FGGY: variants seen among roughly 807,000 people sequenced by gnomAD.
FGGY encodes FGGY carbohydrate kinase domain-containing protein.
A neutral mutation model predicts 71.3 loss-of-function variants in FGGY; 72 were observed. That is an observed-to-expected ratio of 1.01 (90% CI 0.84 to 1.23). FGGY has a LOEUF of 1.23. Ranked by LOEUF, FGGY falls within the 50% of genes most tolerant of loss-of-function variation. FGGY has a pLI of 0.00. For synonymous variants in FGGY, 251 were observed against 250.3 expected, an observed-to-expected ratio of 1.00 and a Z score of -0.02; for missense variants, 668 against 682.3, an observed-to-expected ratio of 0.98 and a Z score of 0.23.
intron 1 of FGGY, among the ~76,000 whole-genome samples, chr1:59,312,777 G>C (rs1256711947): frequency 6.6e-6 from 1 of 152,164 alleles, no homozygotes; most frequent in East Asian, 1.9e-4. Flanking sequence ...CTCTTGGAAG[G>C]TTATGGTTTT....
intron 5 of FGGY, among the ~76,000 whole-genome samples, chr1:59,415,142 C>T (rs913194522): frequency 2.0e-5 from 3 of 152,108 alleles, no homozygotes; most frequent in East Asian, 3.9e-4. Flanking sequence ...ATTTCTTTGC[C>T]GTCTGGTGGG....
At chr1:59,435,480 C>T (rs555535498) in intron 5 of FGGY, among the ~76,000 whole-genome samples, 1 of 152,242 alleles carries the variant, frequency 6.6e-6, no homozygotes, top group African/African-American at 2.4e-5. Context: ...GCCTTCTGGA[C>T]GCTGCCTCTC....
chr1:59,369,819 T>A (rs562405853), intron 4 of FGGY, among the ~76,000 whole-genome samples: 1 of 152,308 alleles, frequency 6.6e-6, no homozygotes, highest in South Asian at 2.1e-4. Context: ...GGAGTGGACG[T>A]CTAGCAAACT....
rs565444769 is a variant in FGGY at position 59,699,734 on chromosome 1, A to G, written c.1512+25601A>G. 2.0e-5 allele frequency among the ~76,000 whole-genome samples: 3 copies of G among 152,364 alleles called. No homozygotes were observed. In the South Asian group the frequency reaches 6.2e-4, roughly 32 times the overall value. On this transcript the variant is annotated intron_variant, in intron 14 of 15. Coordinates refer to ENST00000303721, the MANE Select transcript of FGGY (RefSeq NM_018291.5). ...ATAAAACAACATCATATTTATTAAC[A>G]TGTTTAATTCTCGTTCTTATTTGCA...
At chr1:59,660,976 A>G (rs534508929) in intron 12 of FGGY, among the ~76,000 whole-genome samples, 2 of 152,168 alleles carry the variant, frequency 1.3e-5, no homozygotes, top group South Asian at 4.2e-4. Flanking sequence ...ATTTTAGGAG[A>G]GTAGATCATG....
chr1:59,650,281 G>A (rs2153930645), intron 11 of FGGY, among the ~76,000 whole-genome samples: 1 of 143,556 alleles, frequency 7.0e-6, no homozygotes, highest in Non-Finnish European at 1.5e-5. Flanking sequence ...GCGTTAGGGA[G>A]GATTCCGTCT....
At chr1:59,373,246 AGC>A (rs2058030838) in intron 4 of FGGY, among the ~76,000 whole-genome samples, 1 of 152,172 alleles carries the variant, frequency 6.6e-6, no homozygotes, top group African/African-American at 2.4e-5. Flanking sequence ...AAAAATCACA[AGC>A]ATTCTTATAC....
At chr1:59,598,538 A>G (rs2096545233) in intron 8 of FGGY, among the ~76,000 whole-genome samples, 1 of 152,158 alleles carries the variant, frequency 6.6e-6, no homozygotes, top group African/African-American at 2.4e-5. Context: ...ACTGTTTGGT[A>G]GGGTGACAGA....
intron 6 of FGGY, among the ~76,000 whole-genome samples, chr1:59,505,198 C>A (rs1275139108): frequency 1.3e-5 from 2 of 152,158 alleles, no homozygotes; most frequent in African/African-American, 4.8e-5. Context: ...GTAATAACTA[C>A]AAGATGGCAT....
chr1:59,375,324 C>T (rs1481712393), intron 4 of FGGY, among the ~76,000 whole-genome samples: 1 of 151,618 alleles, frequency 6.6e-6, no homozygotes, highest in African/African-American at 2.4e-5. Flanking sequence ...CTCACAGATG[C>T]CTGCTGGCAT....
Position 59,378,933 on chromosome 1 carries a change from T to G in FGGY, c.554+96T>G, listed in dbSNP as rs1023829457. 5.9e-6 allele frequency: 6 copies of G among 1,018,164 alleles called. No homozygotes were observed. The Middle Eastern group carries it at 1.0e-3, about 177-fold the overall frequency. 63.1% of individuals were successfully genotyped at this position (1,018,164 alleles called of 1,614,324 possible). ...TTAACTCTCTTTGACTGGATATACTTTTGGTACATCTGCATGTGATTTTGC... is the reference window on the plus strand; with the variant it reads ...TTAACTCTCTTTGACTGGATATACTGTTGGTACATCTGCATGTGATTTTGC... On this transcript the variant is annotated intron_variant, in intron 5 of 15. Coordinates refer to ENST00000303721, the MANE Select transcript of FGGY (RefSeq NM_018291.5).
chr1:59,730,943 G>A (rs2098019610), intron 14 of FGGY, among the ~76,000 whole-genome samples: 1 of 152,192 alleles, frequency 6.6e-6, no homozygotes, highest in Non-Finnish European at 1.5e-5. Context: ...ACGCAAGGCA[G>A]GCCCCTGTTA....
At chr1:59,385,656 G>T (rs532536287) in intron 5 of FGGY, among the ~76,000 whole-genome samples, 2 of 152,154 alleles carry the variant, frequency 1.3e-5, no homozygotes, top group South Asian at 4.2e-4. Context: ...CCTCTAAAGA[G>T]ATTTGAGGTG....
intron 14 of FGGY, among the ~76,000 whole-genome samples, chr1:59,678,154 A>T (rs2097455238): frequency 6.6e-6 from 1 of 152,184 alleles, no homozygotes; most frequent in Non-Finnish European, 1.5e-5. Flanking sequence ...AATGAAAAAT[A>T]TGGAATCAAG....
At chr1:59,521,229 A>G (rs979079784) in intron 7 of FGGY, among the ~76,000 whole-genome samples, 1 of 152,170 alleles carries the variant, frequency 6.6e-6, no homozygotes, top group African/African-American at 2.4e-5. Context: ...AATGCGACCC[A>G]CTACTGCCTG....
intron 10 of FGGY, among the ~76,000 whole-genome samples, chr1:59,635,085 A>C (rs1436314577): frequency 6.6e-6 from 1 of 152,204 alleles, no homozygotes; most frequent in Non-Finnish European, 1.5e-5. Context: ...CCATTTGAGA[A>C]GGAACTGATA....
chr1:59,662,774 T>C (rs2097289245), intron 12 of FGGY, among the ~76,000 whole-genome samples: 1 of 152,218 alleles, frequency 6.6e-6, no homozygotes, highest in African/African-American at 2.4e-5. Context: ...CCTAGGTATG[T>C]AGTAGGCTAT....
chr1:59,718,617 T>C (rs544090557), intron 14 of FGGY, among the ~76,000 whole-genome samples: 1 of 152,344 alleles, frequency 6.6e-6, no homozygotes, highest in African/African-American at 2.4e-5. Context: ...CTCTGCCAAC[T>C]CCTGGGATGG....
chr1:59,627,451 ATT>A (rs1326338515), intron 10 of FGGY, among the ~76,000 whole-genome samples: 92 of 59,764 alleles, frequency 1.5e-3, no homozygotes, highest in African/African-American at 5.9e-3. Context: ...TCAACTTATG[ATT>A]TTATATATAT....
Sources: allele counts gnomAD v4.1 joint callset (sites outside exome capture counted in the v4.1 genomes callset), GRCh38; gene constraint gnomAD v4.1.1; transcripts MANE v1.5; gene names NCBI Gene and HGNC (gene_info 2026-07-23, HGNC 2026-07-21).